QPRT: variants seen among roughly 807,000 people sequenced by gnomAD.
QPRT encodes the protein nicotinate-nucleotide pyrophosphorylase [carboxylating].
QPRT carries 17 observed loss-of-function variants against 19.8 expected under a neutral mutation model. That is an observed-to-expected ratio of 0.86 (90% CI 0.59 to 1.29). QPRT has a LOEUF of 1.29. QPRT is among the 50% of genes most tolerant of loss of function. The pLI is 0.00. For missense variants in QPRT, 336 were observed against 405.1 expected (o/e 0.83, Z 1.46); for synonymous variants, 178 against 191.0 (o/e 0.93, Z 0.56).
chr16:29,679,662 C>T (rs1219788659), intron 1 of QPRT, among the ~76,000 whole-genome samples: 1 of 152,062 alleles, frequency 6.6e-6, no homozygotes, highest in Admixed American at 6.6e-5. Flanking sequence ...GAGCTGTATG[C>T]AAACTGTTGG....
At chr16:29,681,096 G>T (rs918614164) in intron 1 of QPRT, among the ~76,000 whole-genome samples, 4 of 151,944 alleles carry the variant, frequency 2.6e-5, no homozygotes, top group Admixed American at 6.6e-5. Context: ...AGCTCTCAGG[G>T]GTCCCATGCA....
chr16:29,679,082 C>T (rs1966911299), upstream of QPRT: 14 of 1,587,400 alleles, frequency 8.8e-6, no homozygotes, highest in Non-Finnish European at 1.2e-5. Context: ...CTGGGAAGGG[C>T]CGGCTGACAG....
intron 1 of QPRT, among the ~76,000 whole-genome samples, chr16:29,683,707 G>C (rs1193840282): frequency 6.6e-6 from 1 of 152,126 alleles, no homozygotes; most frequent in African/African-American, 2.4e-5. Flanking sequence ...AGAGCAGGGT[G>C]GGGGCTGGCT....
At chr16:29,682,605 C>T (rs1967042296) in intron 1 of QPRT, among the ~76,000 whole-genome samples, 1 of 151,978 alleles carries the variant, frequency 6.6e-6, no homozygotes, top group South Asian at 2.1e-4. Context: ...GTCTTGAACT[C>T]CTCACCTCAG....
chr16:29,692,497 C>A (rs1967376997), intron 1 of QPRT, among the ~76,000 whole-genome samples: 1 of 150,614 alleles, frequency 6.6e-6, no homozygotes, highest in Admixed American at 6.6e-5. Flanking sequence ...AGGAGAATGG[C>A]GTGAACCCGG....
chr16:29,687,700 A>G (rs1227977305), intron 1 of QPRT, among the ~76,000 whole-genome samples: 2 of 151,990 alleles, frequency 1.3e-5, no homozygotes, highest in African/African-American at 4.8e-5. Context: ...TTTTATTGCC[A>G]AAGCTCGGGG....
chr16:29,687,157 C>T (rs765863847), intron 1 of QPRT, among the ~76,000 whole-genome samples: 3 of 152,112 alleles, frequency 2.0e-5, no homozygotes, highest in East Asian at 1.9e-4. Context: ...CAGACACGCC[C>T]GGAGGTTAGA....
chr16:29,679,512 C>T (rs989014092), intron 1 of QPRT, among the ~76,000 whole-genome samples: 1 of 151,888 alleles, frequency 6.6e-6, no homozygotes, highest in Non-Finnish European at 1.5e-5. Context: ...GCAGTGGGGG[C>T]CGGAAGTGGG....
At chr16:29,687,110 T>TC (rs1214936529) in intron 1 of QPRT, among the ~76,000 whole-genome samples, 1 of 152,180 alleles carries the variant, frequency 6.6e-6, no homozygotes, top group Admixed American at 6.6e-5. Context: ...CTCTTGCAGG[T>TC]CTTCCCTTAA....
In QPRT at chr16:29,694,988, G is replaced by GAGGC; in HGVS notation, c.338_339insAGGC (p.Ile114GlyfsTer61). ...CTCAACACGCTGGCCCGCTGCAGTGGCATTGCCAGTGCTGCCGCCGCTGCA... is the reference window on the plus strand; with the variant it reads ...CTCAACACGCTGGCCCGCTGCAGTGGAGGCCATTGCCAGTGCTGCCGCCGCTGCA... On this transcript the variant is annotated frameshift_variant, in exon 2 of 4. Transcript: ENST00000395384. LOFTEE classifies it high-confidence loss of function. 1 of 1,606,410 alleles carries GAGGC rather than the reference G, an allele frequency of 6.2e-7. No homozygotes were observed. Among genetic ancestry groups the GAGGC allele is most frequent in the Non-Finnish European group, 8.5e-7 (1 of 1,179,040 alleles).
chr16:29,695,031 G>A lies in QPRT; in HGVS notation c.381G>A (p.Gly127=), dbSNP rs776920602. Reference sequence around the variant, plus strand: ...CCGCTGCAGTGGAGGCCGCCAGGGGGGCCGGCTGGACTGGGCACGTGGCAG... The same window carrying A: ...CCGCTGCAGTGGAGGCCGCCAGGGGAGCCGGCTGGACTGGGCACGTGGCAG... The part of the protein sequence containing the change: ...AAAAAVEAAR[G]AGWTGHVAGT... The change falls in exon 2 of 4, where the codon GGG becomes GGA. Residue 127 remains glycine, a synonymous_variant. Transcript: ENST00000395384. The A allele has an allele frequency of 6.9e-6, 11 of 1,604,952 alleles. No individual in the cohort carries two copies. The highest frequency in any genetic ancestry group is 1.7e-5 in the Admixed American group (1 of 59,716).
At chr16:29,679,361 C>T in intron 1 of QPRT, 151 bp downstream of exon 1, 1 of 577,516 alleles carries the variant, frequency 1.7e-6, no homozygotes. Flanking sequence ...ACCCCATGTC[C>T]CTGCAGCCTT....
rs772976077 is a variant in QPRT, at chr16:29,695,122, G to T, written c.472G>T (p.Ala158Ser). The change falls in exon 2 of 4, where the codon GCC becomes TCC. Residue 158 changes from alanine (A) to serine (S), a missense_variant. By Grantham distance (99) the Ala-to-Ser change is moderately conservative. Transcript: ENST00000395384. Reference sequence around the variant, plus strand: ...GTATGGGCTCCTGGTGGGCGGGGCCGCCTCGCACCGCTACGACCTGGGAGG... The same window carrying T: ...GTATGGGCTCCTGGTGGGCGGGGCCTCCTCGCACCGCTACGACCTGGGAGG... Reference protein sequence around the residue: ...EKYGLLVGGAASHRYDLGGLV... With the variant: ...EKYGLLVGGASSHRYDLGGLV... 2 of 1,592,140 alleles carry T rather than the reference G, an allele frequency of 1.3e-6. No homozygotes were observed. Among genetic ancestry groups the T allele is most frequent in the Admixed American group, 1.8e-5 (1 of 54,968 alleles).
chr16:29,679,379 C>A (rs1362401420), intron 1 of QPRT, among the ~76,000 whole-genome samples, 169 bp downstream of exon 1: 1 of 152,136 alleles, frequency 6.6e-6, no homozygotes, highest in Non-Finnish European at 1.5e-5. Context: ...CTTGCTCAAC[C>A]CCCAGAGGCC....
chr16:29,691,088 G>T (rs914270284), intron 1 of QPRT, among the ~76,000 whole-genome samples: 2 of 151,800 alleles, frequency 1.3e-5, no homozygotes, highest in Admixed American at 6.6e-5. Context: ...AGTCTGGCCA[G>T]GCACGGTGGC....
chr16:29,690,678 G>T (rs536380628), intron 1 of QPRT, among the ~76,000 whole-genome samples: 1 of 152,096 alleles, frequency 6.6e-6, no homozygotes, highest in East Asian at 1.9e-4. Flanking sequence ...CTATTGTTGT[G>T]TGTATCAGTA....
chr16:29,679,267 T>TA, intron 1 of QPRT, 57 bp downstream of exon 1: 1 of 1,369,172 alleles, frequency 7.3e-7, no homozygotes. Flanking sequence ...TGCCTACCCC[T>TA]GCCCCCACCC....
intron 1 of QPRT, among the ~76,000 whole-genome samples, chr16:29,688,622 C>T (rs896918798): frequency 6.6e-6 from 1 of 152,010 alleles, no homozygotes; most frequent in Admixed American, 6.6e-5. Context: ...TAGGTTCAAG[C>T]AATTCTCGTG....
intron 1 of QPRT, among the ~76,000 whole-genome samples, chr16:29,693,746 C>A (rs960153231): frequency 4.6e-5 from 7 of 151,776 alleles, no homozygotes; most frequent in African/African-American, 1.5e-4. Context: ...GCCACCACGC[C>A]CGGCTAATTT....
Sources: gnomAD v4.1 joint callset for allele counts (sites outside exome capture counted in the v4.1 genomes callset) on GRCh38, gnomAD v4.1.1 for gene constraint, MANE v1.5 for transcripts, NCBI Gene and HGNC (gene_info 2026-07-23, HGNC 2026-07-21) for gene names.